Variants in PELI1 observed in about 807,000 individuals in gnomAD.
PELI1 encodes pellino E3 ubiquitin protein ligase 1, also known as E3 ubiquitin-protein ligase pellino homolog 1.
In PELI1, 15 loss-of-function variants were observed where a neutral mutation model predicts 41.3. That is an observed-to-expected ratio of 0.36 (90% CI 0.24 to 0.56). The LOEUF (loss-of-function observed/expected upper bound fraction) is 0.56. Among genes scored for constraint, PELI1 ranks in the 20% least tolerant of loss-of-function variants. The pLI is 0.82. For synonymous variants in PELI1, 178 were observed against 180.1 expected (o/e 0.99, Z 0.09); for missense variants, 403 against 525.5 (o/e 0.77, Z 2.28).
At position 64,101,310 on chromosome 2, in the gene PELI1, G is replaced by A. The variant is rs192826181; in HGVS notation, c.202-811C>T. Among the ~76,000 whole-genome samples, 422 of 148,912 alleles carry A rather than the reference G, an allele frequency of 2.8e-3. 2 individuals are homozygous for A. Among genetic ancestry groups the A allele is most frequent in the African/African-American group, 9.8e-3 (397 of 40,350 alleles). ...AAATGCATTTGGGATTTGGTCCCAG[G>A]AGATAAAAGAAAAAAATTTAAAAAA... On this transcript the variant is annotated intron_variant, in intron 3 of 6. Transcript: ENST00000358912.
intron 3 of PELI1, among the ~76,000 whole-genome samples, chr2:64,102,699 A>C (rs1254360185): frequency 6.6e-6 from 1 of 152,214 alleles, no homozygotes; most frequent in African/African-American, 2.4e-5. Flanking sequence ...AAACTATGTC[A>C]AGTTACGTTT....
chr2:64,096,668 T>A (rs1392396932), intron 4 of PELI1, 58 bp from the exon 5 acceptor site: 5 of 1,137,696 alleles, frequency 4.4e-6, no homozygotes, highest in Non-Finnish European at 6.5e-6. Context: ...GGAAAATCCA[T>A]TCAAGAAGGG....
At chr2:64,110,928 A>AATATATATATATATATATAT (rs113178570) in intron 1 of PELI1, among the ~76,000 whole-genome samples, 1 of 149,296 alleles carries the variant, frequency 6.7e-6, no homozygotes, top group African/African-American at 2.5e-5. Context: ...TCCATTTCAA[A>AATATATATATATATATATAT]ATATATATAT....
In PELI1 at chr2:64,118,434, G is replaced by A. The variant is rs138569553; in HGVS notation, c.-69-10055C>T. On this transcript the variant is annotated intron_variant, in intron 1 of 6. Transcript: ENST00000358912. The stretch of plus-strand genomic sequence containing the variant: ...AAACAATCATACATTACTGAGCAGC[G>A]CATGTCTGTATTCTAGAAATCAGAT... 5.3e-5 allele frequency among the ~76,000 whole-genome samples: 8 copies of A among 152,140 alleles called. No individual in the cohort carries two copies. In the East Asian group the frequency reaches 5.8e-4, roughly 11 times the overall value.
intron 1 of PELI1, among the ~76,000 whole-genome samples, chr2:64,120,165 C>T (rs541098256): frequency 6.6e-6 from 1 of 152,174 alleles, no homozygotes; most frequent in East Asian, 1.9e-4. Flanking sequence ...TGGGATTGGA[C>T]AAGCTTAATC....
chr2:64,104,864 G>A, intron 2 of PELI1, 34 bp from the exon 3 acceptor site: 1 of 1,582,040 alleles, frequency 6.3e-7, no homozygotes, highest in Non-Finnish European at 8.6e-7. Context: ...GTGATCTCTT[G>A]CAAGAACTGC....
Position 64,100,436 on chromosome 2 carries a change from C to T in PELI1, c.265G>A (p.Val89Ile). 6.3e-7 allele frequency: 1 copy of T among 1,575,416 alleles called. No homozygotes were observed. The highest frequency in any genetic ancestry group is 8.7e-7 in the Non-Finnish European group (1 of 1,145,020). Reference protein sequence around the residue: ...YTLSRAQTVVVEYTHDSNTDM... With the variant: ...YTLSRAQTVVIEYTHDSNTDM... ...GTGTTGCTGTCATGAGTATATTCAA[C>T]CACCACAGTCTGGGCCCGAGATAAA... Residue 89 changes from valine (V) to isoleucine (I), a missense_variant, in exon 4 of 7, where the codon GTT becomes ATT. Val to Ile is a conservative substitution (Grantham distance 29). Coordinates refer to ENST00000358912, the MANE Select transcript of PELI1 (RefSeq NM_020651.4).
intron 1 of PELI1, among the ~76,000 whole-genome samples, chr2:64,125,926 G>A (rs567017406): frequency 1.3e-5 from 2 of 152,248 alleles, no homozygotes; most frequent in African/African-American, 2.4e-5. Flanking sequence ...TTTGTATAAG[G>A]TGTATATGAA....
At chr2:64,096,034 A>T in intron 6 of PELI1, 91 bp downstream of exon 6, 3 of 867,502 alleles carry the variant, frequency 3.5e-6, no homozygotes, top group Non-Finnish European at 5.5e-6. Flanking sequence ...CAATAGATTT[A>T]AGAGTTTTCT....
chr2:64,123,146 C>A (rs946356253), intron 1 of PELI1, among the ~76,000 whole-genome samples: 1 of 152,208 alleles, frequency 6.6e-6, no homozygotes, highest in Non-Finnish European at 1.5e-5. Flanking sequence ...AAGTGTTCAA[C>A]TTTAGCTCCA....
intron 3 of PELI1, among the ~76,000 whole-genome samples, chr2:64,101,133 A>G (rs1019501962): frequency 1.3e-4 from 20 of 152,166 alleles, no homozygotes; most frequent in African/African-American, 4.1e-4. Context: ...TACTGCTCTG[A>G]TAAGAAAATC....
At chr2:64,119,666 A>T (rs1394115983) in intron 1 of PELI1, among the ~76,000 whole-genome samples, 1 of 152,244 alleles carries the variant, frequency 6.6e-6, no homozygotes, top group Non-Finnish European at 1.5e-5. Context: ...GGAAAGAAAC[A>T]GAAGTAAGAG....
At chr2:64,106,765 G>T (rs1680635032) in intron 2 of PELI1, among the ~76,000 whole-genome samples, 2 of 152,144 alleles carry the variant, frequency 1.3e-5, no homozygotes, top group South Asian at 4.1e-4. Flanking sequence ...ATCCAGTCAA[G>T]CTCAGTAACT....
Position 64,104,744 on chromosome 2 carries a change from T to C in PELI1, c.158A>G (p.Lys53Arg). The C allele has an allele frequency of 6.2e-7, 1 of 1,613,288 alleles. No homozygotes were observed. The highest frequency in any genetic ancestry group is 8.5e-7 in the Non-Finnish European group (1 of 1,179,748). The change falls in exon 3 of 7, where the codon AAG becomes AGG. Residue 53 changes from lysine to arginine, a missense_variant. Coordinates refer to ENST00000358912, the MANE Select transcript of PELI1 (RefSeq NM_020651.4). ...ACAAGCAATATGCACAGTGCTGGGC[T>C]TCACCCCATTTGCCTTAGGTCTTTT... ...LFKRPKANGVKPSTVHIACTP... is the reference protein window; with the variant it reads ...LFKRPKANGVRPSTVHIACTP...
At chr2:64,126,383 C>T (rs1328095743) in intron 1 of PELI1, among the ~76,000 whole-genome samples, 2 of 152,164 alleles carry the variant, frequency 1.3e-5, no homozygotes, top group African/African-American at 2.4e-5. Context: ...AGGACGGTCA[C>T]GATCTCTTGA....
At chr2:64,103,307 T>C (rs2103679243) in intron 3 of PELI1, among the ~76,000 whole-genome samples, 1 of 152,232 alleles carries the variant, frequency 6.6e-6, no homozygotes, top group Non-Finnish European at 1.5e-5. Context: ...TGATAGTGGT[T>C]TTCAACCAGA....
intron 2 of PELI1, among the ~76,000 whole-genome samples, chr2:64,106,675 G>A (rs1680631577): frequency 6.6e-6 from 1 of 152,158 alleles, no homozygotes; most frequent in African/African-American, 2.4e-5. Context: ...AGGAAACTAA[G>A]GCCCAGGATG....
At chr2:64,137,428 T>C (rs768804028) in intron 1 of PELI1, among the ~76,000 whole-genome samples, 1 of 152,138 alleles carries the variant, frequency 6.6e-6, no homozygotes, top group Non-Finnish European at 1.5e-5. Flanking sequence ...ATAAATGAAA[T>C]TTACCTGAAA....
At chr2:64,136,893 C>A (rs929464855) in intron 1 of PELI1, among the ~76,000 whole-genome samples, 1 of 152,220 alleles carries the variant, frequency 6.6e-6, no homozygotes, top group African/African-American at 2.4e-5. Context: ...CAGAGCAAGG[C>A]TCTGTCTCAA....
Sources: gnomAD v4.1 joint callset for allele counts (sites outside exome capture counted in the v4.1 genomes callset) on GRCh38, gnomAD v4.1.1 for gene constraint, MANE v1.5 for transcripts, NCBI Gene and HGNC (gene_info 2026-07-23, HGNC 2026-07-21) for gene names.